GRID2: variants seen among roughly 807,000 people sequenced by gnomAD.
The protein encoded by GRID2 is glutamate ionotropic receptor delta type subunit 2.
In GRID2, 33 loss-of-function variants were observed where a neutral mutation model predicts 114.8. The observed-to-expected ratio is 0.29, with a 90% CI of 0.22 to 0.38. The LOEUF is 0.38. Ranked by LOEUF, GRID2 falls within the 10% of genes least tolerant of loss-of-function variation. GRID2 has a pLI of 1.00. For missense variants in GRID2, 1,184 were observed against 1,257.7 expected, an observed-to-expected ratio of 0.94 and a Z score of 0.89; for synonymous variants, 505 against 449.9, an observed-to-expected ratio of 1.12 and a Z score of -1.55.
intron 10 of GRID2, among the ~76,000 whole-genome samples, chr4:93,442,782 C>CT (rs1359543614): frequency 2.0e-5 from 3 of 152,068 alleles, no homozygotes; most frequent in African/African-American, 7.2e-5. Flanking sequence ...CTCACCTGAA[C>CT]TACAGGCTTT....
intron 2 of GRID2, among the ~76,000 whole-genome samples, chr4:92,748,632 GTATTATTATTATTATTAT>G (rs10673614): frequency 4.7e-4 from 65 of 137,758 alleles, no homozygotes; most frequent in Admixed American, 1.8e-3. Flanking sequence ...TAATTAAATT[GTATTATTATTATTATTAT>G]TATTATTATT....
rs193120974 is a variant in GRID2, at chr4:92,876,748, C to G, written c.245-208247C>G. On this transcript the variant is annotated intron_variant, in intron 2 of 15. Coordinates refer to ENST00000282020, the MANE Select transcript of GRID2 (RefSeq NM_001510.4). ...TTAGTTTTTATTTTTACAAAACCCACAGGGAGCAGCAGAACACACAGGGAG... is the reference window on the plus strand; with the variant it reads ...TTAGTTTTTATTTTTACAAAACCCAGAGGGAGCAGCAGAACACACAGGGAG... Among the ~76,000 whole-genome samples the G allele has an allele frequency of 4.5e-4, 69 of 152,288 alleles. 1 individual carries two copies. Among genetic ancestry groups the G allele is most frequent in the Non-Finnish European group, 8.8e-4 (60 of 68,026 alleles).
intron 1 of GRID2, among the ~76,000 whole-genome samples, chr4:92,573,020 A>G (rs555318860): frequency 3.3e-5 from 5 of 150,030 alleles, no homozygotes; most frequent in Admixed American, 6.6e-5. Context: ...GCCCTGTTCA[A>G]GCATTCCGTT....
chr4:93,570,157 G>A (rs1047774323), intron 13 of GRID2, among the ~76,000 whole-genome samples: 1 of 152,020 alleles, frequency 6.6e-6, no homozygotes, highest in Non-Finnish European at 1.5e-5. Flanking sequence ...CAAAAATAAG[G>A]CTTTATATAT....
intron 1 of GRID2, among the ~76,000 whole-genome samples, chr4:92,574,719 G>A (rs898132067): frequency 5.3e-5 from 8 of 151,854 alleles, no homozygotes; most frequent in Non-Finnish European, 2.9e-5. Flanking sequence ...TCCCTTTGTC[G>A]GTCACCTGCG....
chr4:93,246,586 C>CAAA (rs34526471), intron 8 of GRID2, among the ~76,000 whole-genome samples: 2,362 of 102,024 alleles, frequency 0.023, 72 homozygotes, highest in African/African-American at 0.072. Flanking sequence ...GACTCCTTCT[C>CAAA]AAAAAAAAAA....
chr4:92,997,912 A>G (rs1384637166), intron 2 of GRID2, among the ~76,000 whole-genome samples: 4 of 152,126 alleles, frequency 2.6e-5, no homozygotes. Context: ...AAATGTATTT[A>G]TTACTCACAT....
chr4:93,253,871 T>C (rs1242272493), intron 8 of GRID2, among the ~76,000 whole-genome samples: 2 of 152,188 alleles, frequency 1.3e-5, no homozygotes, highest in East Asian at 3.8e-4. Flanking sequence ...AGGTTGTCGA[T>C]ATAGGTTCCC....
intron 2 of GRID2, among the ~76,000 whole-genome samples, chr4:92,971,153 C>T (rs1259916521): frequency 1.3e-5 from 2 of 151,876 alleles, no homozygotes; most frequent in Admixed American, 6.6e-5. Context: ...AAGCTTTAAA[C>T]TAAATAAGTA....
At chr4:93,632,774 G>T (rs1721044222) in intron 14 of GRID2, among the ~76,000 whole-genome samples, 1 of 150,576 alleles carries the variant, frequency 6.6e-6, no homozygotes. Flanking sequence ...GTAGCTTGAT[G>T]CGGATGGCAT....
chr4:93,403,541 TA>T (rs1015020242), intron 9 of GRID2, among the ~76,000 whole-genome samples: 36 of 151,798 alleles, frequency 2.4e-4, no homozygotes, highest in South Asian at 4.2e-4. Flanking sequence ...TAAACAAAAT[TA>T]AAAAAAATTA....
At chr4:92,752,936 C>T (rs530513036) in intron 2 of GRID2, among the ~76,000 whole-genome samples, 2 of 152,034 alleles carry the variant, frequency 1.3e-5, no homozygotes, top group Non-Finnish European at 2.9e-5. Context: ...TATACCAATT[C>T]TTTTTTGAAC....
intron 2 of GRID2, among the ~76,000 whole-genome samples, chr4:92,754,189 G>A (rs1266404397): frequency 1.3e-5 from 2 of 152,198 alleles, no homozygotes; most frequent in East Asian, 3.8e-4. Flanking sequence ...GTAAACTACA[G>A]TGCCCAGACA....
intron 2 of GRID2, among the ~76,000 whole-genome samples, chr4:92,781,868 A>C (rs932380818): frequency 6.6e-6 from 1 of 152,114 alleles, no homozygotes; most frequent in Non-Finnish European, 1.5e-5. Context: ...ATAGCTCAAT[A>C]AAATTTTAAA....
At chr4:92,572,303 G>A (rs749203952) in intron 1 of GRID2, among the ~76,000 whole-genome samples, 17 of 152,162 alleles carry the variant, frequency 1.1e-4, no homozygotes, top group African/African-American at 3.4e-4. Flanking sequence ...TAAATTCCTC[G>A]ACACATACAC....
chr4:93,739,454 C>T (rs1245986304), intron 14 of GRID2, among the ~76,000 whole-genome samples: 3 of 152,024 alleles, frequency 2.0e-5, no homozygotes, highest in Non-Finnish European at 4.4e-5. Context: ...GCCCATGTTA[C>T]TTATAGCTGC....
chr4:93,127,652 A>G lies in GRID2; in HGVS notation c.735+16699A>G, dbSNP rs115067119. On this transcript the variant is annotated intron_variant, in intron 4 of 15. Transcript: ENST00000282020. The stretch of plus-strand genomic sequence containing the variant: ...ATTGATACACAGAGGTTGTAAAAGT[A>G]GTTTCAGGTCACACAGTGAGTAATA... 9.7e-3 allele frequency among the ~76,000 whole-genome samples: 1,478 copies of G among 152,246 alleles called. 30 individuals carry two copies. Among genetic ancestry groups the G allele is most frequent in the African/African-American group, 0.034 (1,406 of 41,546 alleles).
chr4:93,425,542 C>T (rs1768758627), intron 10 of GRID2, among the ~76,000 whole-genome samples: 1 of 152,130 alleles, frequency 6.6e-6, no homozygotes, highest in Admixed American at 6.5e-5. Flanking sequence ...GTTGTAATCC[C>T]CTCTTTAGCA....
intron 2 of GRID2, 25 bp downstream of exon 2, chr4:92,590,311 G>A: frequency 1.3e-6 from 2 of 1,560,632 alleles, no homozygotes; most frequent in Non-Finnish European, 1.7e-6. Flanking sequence ...ATTTATTTTG[G>A]TTTTTTGGTT....
Sources: gnomAD v4.1 joint callset for allele counts (sites outside exome capture counted in the v4.1 genomes callset) on GRCh38, gnomAD v4.1.1 for gene constraint, MANE v1.5 for transcripts, NCBI Gene and HGNC (gene_info 2026-07-23, HGNC 2026-07-21) for gene names.